ATP2A2: variants seen among roughly 807,000 people sequenced by gnomAD.
ATP2A2 encodes sarcoplasmic/endoplasmic reticulum calcium ATPase 2.
ATP2A2 carries 14 observed loss-of-function variants against 109.3 expected under a neutral mutation model. That is an observed-to-expected ratio of 0.13 (90% confidence interval 0.08 to 0.20). The LOEUF is 0.20. ATP2A2 is among the 10% of genes least tolerant of loss of function. The pLI is 1.00. For missense variants in ATP2A2, 657 were observed against 1,321.6 expected, an observed-to-expected ratio of 0.50 and a Z score of 7.80; for synonymous variants, 506 against 490.9, an observed-to-expected ratio of 1.03 and a Z score of -0.41.
At chr12:110,286,982 G>T (rs1335040328) in intron 3 of ATP2A2, among the ~76,000 whole-genome samples, 2 of 152,192 alleles carry the variant, frequency 1.3e-5, no homozygotes, top group Non-Finnish European at 2.9e-5. Flanking sequence ...GGTGCAGTGA[G>T]TGGCTCATGC....
At chr12:110,309,451 C>T (rs932480217) in intron 5 of ATP2A2, among the ~76,000 whole-genome samples, 5 of 151,990 alleles carry the variant, frequency 3.3e-5, no homozygotes, top group African/African-American at 1.2e-4. Flanking sequence ...AGCCACCATG[C>T]CCAGCCAGGA....
chr12:110,294,874 C>T (rs1261061202), intron 4 of ATP2A2, among the ~76,000 whole-genome samples: 1 of 152,046 alleles, frequency 6.6e-6, no homozygotes, highest in Admixed American at 6.6e-5. Flanking sequence ...GGCTGGAGTG[C>T]AGTGGCACGA....
At chr12:110,292,984 T>G (rs1873481655) in intron 4 of ATP2A2, among the ~76,000 whole-genome samples, 1 of 152,232 alleles carries the variant, frequency 6.6e-6, no homozygotes, top group South Asian at 2.1e-4. Flanking sequence ...TCCCCTTCAG[T>G]GCTTACTACA....
At chr12:110,295,636 G>A (rs1037657563) in intron 4 of ATP2A2, among the ~76,000 whole-genome samples, 4 of 152,096 alleles carry the variant, frequency 2.6e-5, no homozygotes, top group Non-Finnish European at 5.9e-5. Flanking sequence ...TTTTTCTGGG[G>A]TATATACATC....
Position 110,327,422 on chromosome 12 carries a change from C to T in ATP2A2, c.631-131C>T. 4 of 859,266 alleles carry T rather than the reference C, an allele frequency of 4.7e-6. No individual in the cohort carries two copies. The South Asian group carries it at 5.4e-5, about 12-fold the overall frequency. 53.2% of individuals were successfully genotyped at this position (859,266 alleles called of 1,614,324 possible). On this transcript the variant is annotated intron_variant, in intron 7 of 19. Coordinates refer to ENST00000539276, the MANE Select transcript of ATP2A2 (RefSeq NM_170665.4). The surrounding 1 kb of genome is among the most constrained non-coding windows in gnomAD (Gnocchi z 4.4). Reference sequence around the variant, plus strand: ...GTTGTCACAGTTGTATGGCTGGTTGCTTGAACAGTAGCCAGTGGAAGACCT... The same window carrying T: ...GTTGTCACAGTTGTATGGCTGGTTGTTTGAACAGTAGCCAGTGGAAGACCT...
In ATP2A2 at chr12:110,350,251, TG is replaced by T; in HGVS notation, c.*3782del. 6.2e-7 allele frequency: 1 copy of T among 1,614,122 alleles called. No homozygotes were observed. Among genetic ancestry groups the T allele is most frequent in the Non-Finnish European group, 8.5e-7 (1 of 1,179,934 alleles). On this transcript the variant is annotated 3_prime_UTR_variant, in exon 20 of 20. Coordinates refer to ENST00000539276, the MANE Select transcript of ATP2A2 (RefSeq NM_170665.4). ...AATAGGTATTCTAACGTTTCCTCTC[TG>T]TATTTCATGAAGCTGATTTCCTCTC...
intron 5 of ATP2A2, among the ~76,000 whole-genome samples, chr12:110,318,574 A>G (rs964789803): frequency 2.6e-5 from 4 of 152,188 alleles, no homozygotes; most frequent in South Asian, 2.1e-4. Context: ...CCAAGGCTCA[A>G]GCGATAGTCT....
chr12:110,312,494 G>A (rs1876187221), intron 5 of ATP2A2, among the ~76,000 whole-genome samples: 1 of 151,984 alleles, frequency 6.6e-6, no homozygotes, highest in African/African-American at 2.4e-5. Context: ...GCAACTTCAG[G>A]AGGTTCATTT....
intron 4 of ATP2A2, among the ~76,000 whole-genome samples, chr12:110,292,904 A>G (rs117253246): frequency 0.028 from 4,248 of 152,288 alleles, 88 homozygotes; most frequent in Middle Eastern, 0.082. Context: ...TCCTGTGACA[A>G]ACTTTAAAAG....
Position 110,340,551 on chromosome 12 carries a change from A to T in ATP2A2, c.1762-108A>T, listed in dbSNP as rs1263319059. The T allele has an allele frequency of 1.7e-5, 22 of 1,297,884 alleles. No individual in the cohort carries two copies. Among genetic ancestry groups the T allele is most frequent in the African/African-American group, 1.5e-5 (1 of 66,914 alleles). The allele number at this position is 1,297,884 out of a possible 1,614,324, so 80.4% of individuals were successfully genotyped here. A position where few individuals can be genotyped will look rare whatever the true frequency, so the allele number is the denominator to read the frequency against. Reference sequence around the variant, plus strand: ...GAAACTCCGCCTCAAAAAAAAAAAAAGAAAAAAAATGCAGAAACCTGTCTC... The same window carrying T: ...GAAACTCCGCCTCAAAAAAAAAAAATGAAAAAAAATGCAGAAACCTGTCTC... On this transcript the variant is annotated intron_variant, in intron 13 of 19. Transcript: ENST00000539276. This position sits in a 1 kb window ranked among gnomAD's most constrained non-coding sequence, Gnocchi z 6.0.
intron 5 of ATP2A2, among the ~76,000 whole-genome samples, chr12:110,300,908 T>C (rs1874557796): frequency 6.6e-6 from 1 of 152,112 alleles, no homozygotes; most frequent in Non-Finnish European, 1.5e-5. Flanking sequence ...GAAGGAAACA[T>C]TGGAAAGGAG....
rs1439508967 is a variant in ATP2A2 at position 110,348,112 on chromosome 12, A to G, written c.*1642A>G. 3.0e-6 allele frequency: 3 copies of G among 985,598 alleles called. No individual in the cohort carries two copies. The highest frequency in any genetic ancestry group is 3.6e-6 in the Non-Finnish European group (3 of 830,034). The allele number at this position is 985,598 out of a possible 1,614,324, so 61.1% of individuals were successfully genotyped here. On this transcript the variant is annotated 3_prime_UTR_variant, in exon 20 of 20. Transcript: ENST00000539276. Reference sequence around the variant, plus strand: ...ACAGGCTGAAGGAGCTGTGCAGACTATTGCTAAAATGAGGGTTCGCAGCTG... The same window carrying G: ...ACAGGCTGAAGGAGCTGTGCAGACTGTTGCTAAAATGAGGGTTCGCAGCTG...
At chr12:110,295,844 T>G (rs965318677) in intron 4 of ATP2A2, 4 of 152,300 alleles carry the variant, frequency 2.6e-5, no homozygotes, top group African/African-American at 9.6e-5. Flanking sequence ...CAGCCATTCA[T>G]TGGTCTTTAC....
Position 110,303,638 on chromosome 12 carries a change from CT to C in ATP2A2, c.463+6902del, listed in dbSNP as rs750013709. 1.4e-4 allele frequency among the ~76,000 whole-genome samples: 22 copies of C among 152,280 alleles called. No individual in the cohort carries two copies. The East Asian group carries it at 2.7e-3, about 19-fold the overall frequency. ...TGTTGGCCAGGATGGTCTCAAGCCC[CT>C]GACCTCGTGATCCATCCTCCTCGGC... On this transcript the variant is annotated intron_variant, in intron 5 of 19. Transcript: ENST00000539276.
chr12:110,346,394 T>G lies in ATP2A2; in HGVS notation c.3053T>G (p.Phe1018Cys), dbSNP rs1358467476. The G allele has an allele frequency of 6.2e-7, 1 of 1,614,104 alleles. No individual in the cohort carries two copies. The highest frequency in any genetic ancestry group is 1.3e-5 in the African/African-American group (1 of 74,944). Residue 1018 changes from phenylalanine to cysteine, a missense_variant, in exon 20 of 20, where the codon TTT becomes TGT. This residue lies in a region of ATP2A2 where 53 missense variants were observed against 61.2 expected (regional missense o/e 0.87). Transcript: ENST00000539276. ...TGCACCGATGGGATTTCCTGGCCGT[T>G]TGTGCTGCTCATAATGCCCCTGGTG... ...SACTDGISWP[F>C]VLLIMPLVIW... is the part of the protein sequence containing the mutation.
At chr12:110,337,796 T>G (rs1878978735) in intron 11 of ATP2A2, among the ~76,000 whole-genome samples, 1 of 152,222 alleles carries the variant, frequency 6.6e-6, no homozygotes. Context: ...AAACTAAGAC[T>G]ATAAAAGTGT....
chr12:110,311,751 G>T (rs1354324116), intron 5 of ATP2A2, among the ~76,000 whole-genome samples: 2 of 148,302 alleles, frequency 1.3e-5, no homozygotes, highest in Admixed American at 6.7e-5. Flanking sequence ...AAAAAAAAAG[G>T]TGTTGGCTGG....
chr12:110,350,313 C>G lies in ATP2A2; in HGVS notation c.*3843C>G, dbSNP rs1880285659. 6.2e-7 allele frequency: 1 copy of G among 1,614,056 alleles called. No individual in the cohort carries two copies. Among genetic ancestry groups the G allele is most frequent in the Admixed American group, 1.7e-5 (1 of 60,002 alleles). On this transcript the variant is annotated 3_prime_UTR_variant, in exon 20 of 20. Coordinates refer to ENST00000539276, the MANE Select transcript of ATP2A2 (RefSeq NM_170665.4). ...TCAGCAATACTGGAGTAACCGCTTCCTAAACCATTTTGCAGAAATGTAAGG... is the reference window on the plus strand; with the variant it reads ...TCAGCAATACTGGAGTAACCGCTTCGTAAACCATTTTGCAGAAATGTAAGG...
In ATP2A2 at chr12:110,346,382, T is replaced by G; in HGVS notation, c.3041T>G (p.Ile1014Ser). The change falls in exon 20 of 20, where the codon ATT becomes AGT. Residue 1014 changes from isoleucine to serine, a missense_variant. This residue lies in a region of ATP2A2 where 53 missense variants were observed against 61.2 expected (regional missense o/e 0.87). Transcript: ENST00000539276. ...SCSFSACTDG[I>S]SWPFVLLIMP... ...TCGTTCTCGGCATGCACCGATGGGA[T>G]TTCCTGGCCGTTTGTGCTGCTCATA... is the stretch of plus-strand genomic sequence containing the variant. 6.2e-7 allele frequency: 1 copy of G among 1,614,236 alleles called. No individual in the cohort carries two copies. Among genetic ancestry groups the G allele is most frequent in the Non-Finnish European group, 8.5e-7 (1 of 1,180,044 alleles).
Sources: gnomAD v4.1 joint callset for allele counts (sites outside exome capture counted in the v4.1 genomes callset) on GRCh38, gnomAD v4.1.1 for gene constraint, gnomAD v4.1.1 regional missense constraint, Gnocchi (gnomAD v3.1) non-coding constraint, MANE v1.5 for transcripts, NCBI Gene and HGNC (gene_info 2026-07-23, HGNC 2026-07-21) for gene names.